AGT: variants seen among roughly 807,000 people sequenced by gnomAD.
The protein encoded by AGT is alpha-1 antiproteinase, antitrypsin.
In AGT, 26 loss-of-function variants were observed where a neutral mutation model predicts 28.1. That is an observed-to-expected ratio of 0.92 (90% CI 0.68 to 1.28). AGT has a LOEUF of 1.28. AGT is among the 50% of genes most tolerant of loss of function. AGT has a pLI of 0.00. For missense variants in AGT, 596 were observed against 592.3 expected, an observed-to-expected ratio of 1.01 and a Z score of -0.06; for synonymous variants, 259 against 259.6, an observed-to-expected ratio of 1.00 and a Z score of 0.02.
At chr1:230,717,599 A>C (rs1372233426), upstream of AGT, among the ~76,000 whole-genome samples, 1 of 152,162 alleles carries the variant, frequency 6.6e-6, no homozygotes, top group Non-Finnish European at 1.5e-5. Flanking sequence ...ACCCCACATC[A>C]TGCCTTGGAA....
chr1:230,732,916 A>G (rs1044064654), intron 1 of AGT, among the ~76,000 whole-genome samples: 1 of 152,092 alleles, frequency 6.6e-6, no homozygotes, highest in African/African-American at 2.4e-5. Flanking sequence ...TACTGTATTA[A>G]CACAGTGAAT....
chr1:230,706,444 A>G (rs1663390393), intron 2 of AGT, among the ~76,000 whole-genome samples: 1 of 152,118 alleles, frequency 6.6e-6, no homozygotes, highest in Non-Finnish European at 1.5e-5. Flanking sequence ...TGCAAGACAC[A>G]CAACATGCCA....
At chr1:230,737,815 C>A (rs1664182233) in intron 1 of AGT, among the ~76,000 whole-genome samples, 1 of 152,004 alleles carries the variant, frequency 6.6e-6, no homozygotes, top group South Asian at 2.1e-4. Flanking sequence ...GTTGTGCAAC[C>A]ACCACCACAG....
chr1:230,703,382 G>T, intron 4 of AGT, 53 bp from the exon 5 acceptor site: 1 of 1,604,382 alleles, frequency 6.2e-7, no homozygotes, highest in Non-Finnish European at 8.5e-7. Flanking sequence ...GGTGACCCAG[G>T]GTGCTGAGGG....
intron 1 of AGT, among the ~76,000 whole-genome samples, chr1:230,736,103 C>T (rs1664150369): frequency 6.6e-6 from 1 of 152,164 alleles, no homozygotes; most frequent in South Asian, 2.1e-4. Flanking sequence ...TAATAATACT[C>T]AGCTCCTAAA....
At chr1:230,707,374 C>T (rs188246786) in intron 2 of AGT, among the ~76,000 whole-genome samples, 89 of 152,294 alleles carry the variant, frequency 5.8e-4, no homozygotes, top group South Asian at 2.3e-3. Flanking sequence ...CCCCTGGGCA[C>T]GTGGCACTTG....
chr1:230,720,593 A>G (rs1380062181), intron 1 of AGT, among the ~76,000 whole-genome samples: 1 of 152,180 alleles, frequency 6.6e-6, no homozygotes, highest in African/African-American at 2.4e-5. Context: ...CTTGGACCAG[A>G]TTGAGAACTT....
Position 230,710,809 on chromosome 1 carries a change from AC to A in AGT, c.14del (p.Gly5ValfsTer2). The A allele has an allele frequency of 2.5e-6, 4 of 1,614,072 alleles. No homozygotes were observed. Among genetic ancestry groups the A allele is most frequent in the Non-Finnish European group, 3.4e-6 (4 of 1,180,034 alleles). On this transcript the variant is annotated frameshift_variant, in exon 2 of 5. Transcript: ENST00000366667. LOFTEE classifies it high-confidence loss of function. ...AGAGGATGGTGGCCCTCAGGCTCAC[AC>A]CGGCAGGAGCCATCTCAGACTGGGG... MAPA[G>X]VSLRATILCL... is the part of the protein sequence containing the mutation.
chr1:230,737,399 C>T (rs142862756), intron 1 of AGT, among the ~76,000 whole-genome samples: 6,053 of 152,170 alleles, frequency 0.04, 241 homozygotes, highest in African/African-American at 0.11. Context: ...GCAACCTCTG[C>T]CTCCCAGGTT....
In AGT at chr1:230,704,235, C is replaced by T. The variant is rs1440844386; in HGVS notation, c.1200G>A (p.Leu400=). 10 of 1,614,136 alleles carry T rather than the reference C, an allele frequency of 6.2e-6. No homozygotes were observed. The highest frequency in any genetic ancestry group is 1.3e-5 in the African/African-American group (1 of 74,950). The part of the protein sequence containing the change: ...AELPAILHTE[L]NLQKLSNDRI... ...GGTCATTGCTCAATTTTTGCAGGTT[C>T]AGCTCGGTGTGCAGAATGGCGGGCA... is the stretch of plus-strand genomic sequence containing the variant. Residue 400 remains leucine (L), a synonymous_variant, in exon 4 of 5, where the codon CTG becomes CTA. Coordinates refer to ENST00000366667, the MANE Select transcript of AGT (RefSeq NM_001384479.1).
At chr1:230,738,831 G>A (rs1664195087) in intron 1 of AGT, among the ~76,000 whole-genome samples, 1 of 152,132 alleles carries the variant, frequency 6.6e-6, no homozygotes, top group Non-Finnish European at 1.5e-5. Flanking sequence ...AGATGTAGGT[G>A]ATAAATCAAA....
chr1:230,714,331 G>C (rs1232690862), upstream of AGT: 1 of 152,334 alleles, frequency 6.6e-6, no homozygotes, highest in Non-Finnish European at 1.5e-5. Flanking sequence ...GCTGAACAGA[G>C]TGAGCCGGTG....
chr1:230,703,433 C>G (rs1663288641), intron 4 of AGT, 104 bp from the exon 5 acceptor site: 1 of 1,233,848 alleles, frequency 8.1e-7, no homozygotes, highest in Admixed American at 1.9e-5. Context: ...GTGCTGTGCA[C>G]TGTCCTGGAG....
intron 1 of AGT, among the ~76,000 whole-genome samples, chr1:230,723,827 T>C (rs1326885): frequency 0.052 from 7,890 of 152,238 alleles, 258 homozygotes; most frequent in Middle Eastern, 0.14. Context: ...TCTAAGAAAA[T>C]TGTATATGAG....
At chr1:230,704,159 C>T (rs761948386) in intron 4 of AGT, 34 bp downstream of exon 4, 12 of 1,614,100 alleles carry the variant, frequency 7.4e-6, no homozygotes, top group Non-Finnish European at 1.0e-5. Flanking sequence ...ACACTTGGAA[C>T]CCAGGTCAGG....
intron 2 of AGT, among the ~76,000 whole-genome samples, chr1:230,709,384 T>A (rs1663503184): frequency 6.7e-6 from 1 of 149,850 alleles, no homozygotes; most frequent in African/African-American, 2.5e-5. Context: ...CAGTGAGCAA[T>A]GATGGCACCA....
chr1:230,719,406 G>GTTTTTTTTTTTGTTTGTTTTTGTTTTT (rs1663800996), upstream of AGT, among the ~76,000 whole-genome samples: 1 of 100,332 alleles, frequency 1.0e-5, no homozygotes, highest in African/African-American at 4.0e-5. Flanking sequence ...TTATCATTAT[G>GTTTTTTTTTTTGTTTGTTTTTGTTTTT]TTTTTTTTTT....
chr1:230,710,299 C>T lies in AGT; in HGVS notation c.525G>A (p.Leu175=), dbSNP rs1451200289. The T allele has an allele frequency of 6.2e-7, 1 of 1,613,814 alleles. No homozygotes were observed. Among genetic ancestry groups the T allele is most frequent in the Admixed American group, 1.7e-5 (1 of 60,008 alleles). The change falls in exon 2 of 5, where the codon CTG becomes CTA. Residue 175 remains leucine, a synonymous_variant. Transcript: ENST00000366667. ...CCACTAGCAGGCCCTGTACAGCCTG[C>T]AGGGCAGACAGGACCTTGTGCGCAT... ...RLDAHKVLSA[L]QAVQGLLVAQ...
chr1:230,709,448 A>G, intron 2 of AGT, among the ~76,000 whole-genome samples: 1 of 152,096 alleles, frequency 6.6e-6, no homozygotes, highest in East Asian at 1.9e-4. Flanking sequence ...AAAAAAAAAA[A>G]AAAAATCAAC....
Sources: allele counts gnomAD v4.1 joint callset (sites outside exome capture counted in the v4.1 genomes callset), GRCh38; gene constraint gnomAD v4.1.1; transcripts MANE v1.5; gene names NCBI Gene and HGNC (gene_info 2026-07-23, HGNC 2026-07-21).